The following HIP1 variants were observed in gnomAD, a reference collection of about 807,000 sequenced individuals.
HIP1 encodes the protein huntingtin interacting protein 1.
HIP1 carries 65 observed loss-of-function variants against 147.6 expected under a neutral mutation model. That is an observed-to-expected ratio of 0.44 (90% confidence interval 0.36 to 0.54). HIP1 has a LOEUF of 0.54. HIP1 is among the 20% of genes least tolerant of loss of function. HIP1 has a pLI of 0.00. For synonymous variants in HIP1, 479 were observed against 504.0 expected (o/e 0.95, Z 0.67); for missense variants, 1,061 against 1,299.6 (o/e 0.82, Z 2.82).
rs782659312 is a variant in HIP1 at position 75,539,323 on chromosome 7, C to A, written c.3061G>T (p.Gly1021Ter). The A allele has an allele frequency of 6.2e-7, 1 of 1,612,774 alleles. No homozygotes were observed. The highest frequency in any genetic ancestry group is 8.5e-7 in the Non-Finnish European group (1 of 1,178,806). Residue 1021 changes from glycine to a stop codon, truncating the protein, a stop_gained and splice_region_variant, in exon 30 of 31, where the codon GGA (glycine) becomes TGA (stop). Coordinates refer to ENST00000336926, the MANE Select transcript of HIP1 (RefSeq NM_005338.7). LOFTEE classifies it high-confidence loss of function. ...LAGVAEGWEE[G>*]TEASPPTLQE... ...GTGCCCATCCTTGGAGTCAGCTTAC[C>A]TTCTTCCCAGCCCTCAGCAACACCA...
At chr7:75,647,211 C>CAAAAAAAAAAAAAAAAAAAAAAAAAAA (rs60972195) in intron 1 of HIP1, among the ~76,000 whole-genome samples, 1 of 57,992 alleles carries the variant, frequency 1.7e-5, no homozygotes, top group Non-Finnish European at 3.0e-5. Flanking sequence ...ACTAAAAATA[C>CAAAAAAAAAAAAAAAAAAAAAAAAAAA]AAAAAAAAAA....
chr7:75,653,136 T>C lies in HIP1; in HGVS notation c.121-53889A>G, dbSNP rs568146466. ...TCATTAGGATATGTGATTTGGGTAA[T>C]AAAGGTCTGGGAGAAAAAAAAAAAC... is the stretch of plus-strand genomic sequence containing the variant. On this transcript the variant is annotated intron_variant, in intron 1 of 30. Transcript: ENST00000336926. 2.0e-5 allele frequency among the ~76,000 whole-genome samples: 3 copies of C among 150,904 alleles called. 1 individual carries two copies. In the East Asian group the frequency reaches 5.9e-4, roughly 29 times the overall value.
intron 1 of HIP1, among the ~76,000 whole-genome samples, chr7:75,610,200 GC>G: frequency 7.7e-6 from 1 of 130,278 alleles, no homozygotes; most frequent in African/African-American, 3.6e-5. Flanking sequence ...ACCTCATCCA[GC>G]CCTTTTTTTT....
Position 75,553,320 on chromosome 7 carries a change from T to G in HIP1, c.2295+133A>C, listed in dbSNP as rs587605668. The G allele has an allele frequency of 3.3e-6, 4 of 1,208,034 alleles. No individual in the cohort carries two copies. The East Asian group carries it at 7.2e-5, about 22-fold the overall frequency. The allele number at this position is 1,208,034 out of a possible 1,614,324, so 74.8% of individuals were successfully genotyped here. A position where few individuals can be genotyped will look rare whatever the true frequency, so the allele number is the denominator to read the frequency against. On this transcript the variant is annotated intron_variant, in intron 22 of 30. Transcript: ENST00000336926. The stretch of plus-strand genomic sequence containing the variant: ...TGCACCCGGCCAGATTTTCCAATTT[T>G]AACAATCTCTTTCTAGAATCAAGTT...
chr7:75,693,727 T>G lies in HIP1; in HGVS notation c.120+45074A>C, dbSNP rs1174489942. ...TCGTCTCTACAAAAAATACAAAAAT[T>G]AGCCAGGCATGGTGGCGCTCACCTG... On this transcript the variant is annotated intron_variant, in intron 1 of 30. Transcript: ENST00000336926. Among the ~76,000 whole-genome samples, 3 of 123,250 alleles carry G rather than the reference T, an allele frequency of 2.4e-5. No homozygotes were observed. The Admixed American group carries it at 2.9e-4, about 12-fold the overall frequency. 80.9% of individuals were successfully genotyped at this position (123,250 alleles called of 152,430 possible).
intron 2 of HIP1, 43 bp from the exon 3 acceptor site, chr7:75,592,557 C>A: frequency 1.3e-6 from 2 of 1,587,608 alleles, no homozygotes; most frequent in South Asian, 1.1e-5. Context: ...CTCTGCCAGT[C>A]ACTGCAGGGG....
intron 6 of HIP1, 78 bp from the exon 7 acceptor site, chr7:75,581,376 C>T (rs1242692354): frequency 2.3e-5 from 23 of 1,019,048 alleles, no homozygotes; most frequent in South Asian, 1.5e-4. Flanking sequence ...CCACGCTCTA[C>T]GCTACTCCAG....
intron 1 of HIP1, among the ~76,000 whole-genome samples, chr7:75,681,654 A>C (rs1245011343): frequency 2.6e-5 from 4 of 151,722 alleles, no homozygotes; most frequent in African/African-American, 9.7e-5. Context: ...CTATGGGTGC[A>C]TACCACCACG....
At chr7:75,732,161 C>A (rs1395777001) in intron 1 of HIP1, among the ~76,000 whole-genome samples, 2 of 152,074 alleles carry the variant, frequency 1.3e-5, no homozygotes, top group Non-Finnish European at 2.9e-5. Flanking sequence ...TTGGACAAGT[C>A]ACTTAGCCTC....
chr7:75,533,499 A>C lies in HIP1; in HGVS notation c.*4673T>G, dbSNP rs1793977452. The C allele has an allele frequency of 4.3e-6, 1 of 232,252 alleles. No individual in the cohort carries two copies. Among genetic ancestry groups the C allele is most frequent in the Non-Finnish European group, 8.5e-6 (1 of 117,456 alleles). The allele number at this position is 232,252 out of a possible 1,614,324, so 14.4% of individuals were successfully genotyped here. A position where few individuals can be genotyped will look rare whatever the true frequency, so the allele number is the denominator to read the frequency against. On this transcript the variant is annotated 3_prime_UTR_variant, in exon 31 of 31. Transcript: ENST00000336926. ...TAATGGAAACCCAGGGGAAAGGTTA[A>C]AAACAGAAGAAAAACAAACCCAACC...
At chr7:75,570,452 C>T (rs943313169) in intron 8 of HIP1, among the ~76,000 whole-genome samples, 10 of 151,246 alleles carry the variant, frequency 6.6e-5, no homozygotes, top group Middle Eastern at 3.4e-3. Flanking sequence ...CCACCACGCC[C>T]GGCTAATTTT....
chr7:75,548,234 G>T (rs1315813278), intron 23 of HIP1, among the ~76,000 whole-genome samples: 1 of 151,986 alleles, frequency 6.6e-6, no homozygotes, highest in Non-Finnish European at 1.5e-5. Context: ...TCACCATGTT[G>T]TCCAGGCTGG....
chr7:75,536,459 G>C lies in HIP1; in HGVS notation c.*1713C>G, dbSNP rs1198377062. The C allele has an allele frequency of 4.4e-6, 1 of 229,716 alleles. No homozygotes were observed. Among genetic ancestry groups the C allele is most frequent in the East Asian group, 6.2e-5 (1 of 16,116 alleles). 14.2% of individuals were successfully genotyped at this position (229,716 alleles called of 1,614,324 possible). ...TCTGTTGGAGCAGATCCTGGGAAGT[G>C]CTTGATGGCTACCACCAATGAGTTG... On this transcript the variant is annotated 3_prime_UTR_variant, in exon 31 of 31. Coordinates refer to ENST00000336926, the MANE Select transcript of HIP1 (RefSeq NM_005338.7).
intron 1 of HIP1, among the ~76,000 whole-genome samples, chr7:75,684,244 T>C (rs1554517305): frequency 2.0e-5 from 3 of 151,468 alleles, no homozygotes; most frequent in East Asian, 2.0e-4. Context: ...CTTAGGAGTT[T>C]GAGAACAGCC....
intron 19 of HIP1, 90 bp from the exon 20 acceptor site, chr7:75,554,616 T>C (rs1794921076): frequency 2.2e-5 from 20 of 889,546 alleles, no homozygotes; most frequent in African/African-American, 3.3e-5. Context: ...GGAGCTTACC[T>C]AGTGGGTAAG....
At chr7:75,690,137 T>A (rs1261157529) in intron 1 of HIP1, among the ~76,000 whole-genome samples, 1 of 152,032 alleles carries the variant, frequency 6.6e-6, no homozygotes, top group African/African-American at 2.4e-5. Flanking sequence ...TAGCTGGGCT[T>A]GGCGGCACAT....
In HIP1 at chr7:75,534,303, G is replaced by A. The variant is rs1209480789; in HGVS notation, c.*3869C>T. ...CTGGGTTAGAGGGACCCGTATTCTG[G>A]TGGGATTTTAGGGGTACTGCTATGG... On this transcript the variant is annotated 3_prime_UTR_variant, in exon 31 of 31. Coordinates refer to ENST00000336926, the MANE Select transcript of HIP1 (RefSeq NM_005338.7). 2 of 224,372 alleles carry A rather than the reference G, an allele frequency of 8.9e-6. No homozygotes were observed. Among genetic ancestry groups the A allele is most frequent in the African/African-American group, 4.5e-5 (2 of 44,792 alleles). 13.9% of individuals were successfully genotyped at this position (224,372 alleles called of 1,614,324 possible). A position where few individuals can be genotyped will look rare whatever the true frequency, so the allele number is the denominator to read the frequency against.
rs1160804916 is a variant in HIP1 at position 75,534,395 on chromosome 7, C to T, written c.*3777G>A. ...CTCCTTGCTCAGATATAAAATAACCCTGCCAAGATGGCTCTTCTCTTCTAT... is the reference window on the plus strand; with the variant it reads ...CTCCTTGCTCAGATATAAAATAACCTTGCCAAGATGGCTCTTCTCTTCTAT... On this transcript the variant is annotated 3_prime_UTR_variant, in exon 31 of 31. Coordinates refer to ENST00000336926, the MANE Select transcript of HIP1 (RefSeq NM_005338.7). 5.0e-6 allele frequency: 1 copy of T among 200,348 alleles called. No homozygotes were observed. The highest frequency in any genetic ancestry group is 1.0e-5 in the Non-Finnish European group (1 of 97,240). The allele number at this position is 200,348 out of a possible 1,614,324, so 12.4% of individuals were successfully genotyped here.
intron 1 of HIP1, among the ~76,000 whole-genome samples, chr7:75,664,269 CATACAT>C (rs1554514209): frequency 7.1e-6 from 1 of 140,884 alleles, no homozygotes; most frequent in African/African-American, 2.7e-5. Flanking sequence ...TATATGTATA[CATACAT>C]ATATACACAC....
Sources: gnomAD v4.1 joint callset for allele counts (sites outside exome capture counted in the v4.1 genomes callset) on GRCh38, gnomAD v4.1.1 for gene constraint, MANE v1.5 for transcripts, NCBI Gene and HGNC (gene_info 2026-07-23, HGNC 2026-07-21) for gene names.